The following TFEC variants were observed in gnomAD, a reference collection of about 807,000 sequenced individuals.
TFEC encodes the protein transcription factor EC, also known as class E basic helix-loop-helix protein 34.
In TFEC, 31 loss-of-function variants were observed where a neutral mutation model predicts 41.6. The observed-to-expected ratio is 0.74, with a 90% CI of 0.56 to 1.01. The LOEUF (loss-of-function observed/expected upper bound fraction) is 1.01. Among genes scored for constraint, TFEC ranks in the 50% least tolerant of loss-of-function variants. TFEC has a pLI of 0.00. For missense variants in TFEC, 402 were observed against 404.1 expected, an observed-to-expected ratio of 0.99 and a Z score of 0.04; for synonymous variants, 143 against 140.6, an observed-to-expected ratio of 1.02 and a Z score of -0.12.
At chr7:116,036,761 A>C (rs528142865) in intron 3 of TFEC, among the ~76,000 whole-genome samples, 4 of 152,210 alleles carry the variant, frequency 2.6e-5, no homozygotes, top group African/African-American at 9.6e-5. Context: ...CCATAATAAA[A>C]AAAGTAATTT....
intron 1 of TFEC, chr7:116,157,378 A>T (rs925085201): frequency 6.7e-6 from 1 of 149,536 alleles, no homozygotes; most frequent in African/African-American, 2.5e-5. Context: ...TTCCAAAAAA[A>T]ATAAATAAGT....
At position 115,948,473 on chromosome 7, in the gene TFEC, A is replaced by C. The variant is rs564850791; in HGVS notation, c.515+2401T>G. ...AATAAAATACTGGCAAACTGAATCC[A>C]GCAGCACATCAAAAAGCGTATCCAC... On this transcript the variant is annotated intron_variant, in intron 6 of 7. Transcript: ENST00000265440. Among the ~76,000 whole-genome samples, 209 of 152,324 alleles carry C rather than the reference A, an allele frequency of 1.4e-3. 1 individual carries two copies. The highest frequency in any genetic ancestry group is 4.8e-3 in the African/African-American group (200 of 41,576).
At chr7:115,952,300 G>C (rs1791989149) in intron 5 of TFEC, among the ~76,000 whole-genome samples, 1 of 151,640 alleles carries the variant, frequency 6.6e-6, no homozygotes, top group South Asian at 2.1e-4. Flanking sequence ...AAAAAACACT[G>C]ACTAGAAAAT....
At chr7:116,119,527 T>C (rs1326070335) in intron 1 of TFEC, among the ~76,000 whole-genome samples, 3 of 151,832 alleles carry the variant, frequency 2.0e-5, no homozygotes, top group Non-Finnish European at 4.4e-5. Context: ...ATTTTGAATA[T>C]ATGTTAAAAA....
At chr7:116,147,010 G>T (rs1264981386) in intron 1 of TFEC, among the ~76,000 whole-genome samples, 1 of 152,110 alleles carries the variant, frequency 6.6e-6, no homozygotes, top group Non-Finnish European at 1.5e-5. Flanking sequence ...CAAAGATGAA[G>T]ACAAATTTGT....
intron 1 of TFEC, among the ~76,000 whole-genome samples, chr7:116,146,488 C>T (rs146222597): frequency 3.3e-5 from 5 of 152,292 alleles, no homozygotes; most frequent in Admixed American, 6.5e-5. Flanking sequence ...TTCCTAATCA[C>T]AAGCCTCCAT....
At chr7:116,119,381 T>C in intron 1 of TFEC, among the ~76,000 whole-genome samples, 1 of 152,008 alleles carries the variant, frequency 6.6e-6, no homozygotes. Context: ...GAATTAAAAT[T>C]AATTTTAAAA....
chr7:115,994,392 T>C (rs1046601276), intron 1 of TFEC, among the ~76,000 whole-genome samples: 1 of 152,036 alleles, frequency 6.6e-6, no homozygotes, highest in Non-Finnish European at 1.5e-5. Context: ...CGCACAGCAA[T>C]GGAAACTACC....
chr7:116,128,849 T>C (rs1248489640), intron 1 of TFEC, among the ~76,000 whole-genome samples: 2 of 151,926 alleles, frequency 1.3e-5, no homozygotes, highest in East Asian at 1.9e-4. Flanking sequence ...AAGAAAAAAA[T>C]AGAACAAATA....
In TFEC at chr7:115,942,776, G is replaced by A. The variant is rs73458756; in HGVS notation, c.516-736C>T. 1.5e-3 allele frequency among the ~76,000 whole-genome samples: 232 copies of A among 152,038 alleles called. 1 individual carries two copies. The highest frequency in any genetic ancestry group is 5.5e-3 in the African/African-American group (227 of 41,502). Reference sequence around the variant, plus strand: ...ATTAAAACTTACTTTTAAGACAGGAGAAATTAAAGATATGAAATTGTGGAA... The same window carrying A: ...ATTAAAACTTACTTTTAAGACAGGAAAAATTAAAGATATGAAATTGTGGAA... On this transcript the variant is annotated intron_variant, in intron 6 of 7. Transcript: ENST00000265440.
Position 115,984,314 on chromosome 7 carries a change from G to T in TFEC, c.128C>A (p.Pro43Gln), listed in dbSNP as rs770525266. ...LDSDAGLTEN[P>Q]LTKLLAIGKE... is the part of the protein sequence containing the mutation. ...CCCAATAGCTAGTAACTTGGTGAGT[G>T]GGTTTTCTGTGAGGCCAGCATCACT... Residue 43 changes from proline (P) to glutamine (Q), a missense_variant, in exon 2 of 8, where the codon CCA becomes CAA. By Grantham distance (76) the Pro-to-Gln change is moderately conservative. Transcript: ENST00000265440. 6.2e-7 allele frequency: 1 copy of T among 1,614,104 alleles called. No homozygotes were observed.
chr7:116,094,066 T>C (rs1189063043), intron 3 of TFEC, among the ~76,000 whole-genome samples: 2 of 152,166 alleles, frequency 1.3e-5, no homozygotes, highest in Admixed American at 6.5e-5. Flanking sequence ...AGGACAAGTA[T>C]AGAAACCACT....
intron 3 of TFEC, among the ~76,000 whole-genome samples, chr7:116,043,390 T>A (rs1796086863): frequency 6.6e-6 from 1 of 152,028 alleles, no homozygotes; most frequent in Non-Finnish European, 1.5e-5. Flanking sequence ...TAAACCTATA[T>A]GAACTACAAG....
At chr7:115,998,468 C>A (rs1422441819) in intron 1 of TFEC, among the ~76,000 whole-genome samples, 3 of 151,692 alleles carry the variant, frequency 2.0e-5, no homozygotes, top group African/African-American at 7.3e-5. Flanking sequence ...AGAGTACTTT[C>A]TTCCTTATTA....
chr7:116,078,182 G>C (rs1320055008), intron 3 of TFEC, among the ~76,000 whole-genome samples: 1 of 151,578 alleles, frequency 6.6e-6, no homozygotes, highest in Non-Finnish European at 1.5e-5. Flanking sequence ...ATGATCATTG[G>C]GTCAACAATG....
intron 2 of TFEC, among the ~76,000 whole-genome samples, chr7:115,975,859 T>C (rs1276820291): frequency 6.6e-6 from 1 of 152,150 alleles, no homozygotes; most frequent in Non-Finnish European, 1.5e-5. Flanking sequence ...TGAGAAAGAA[T>C]GAGCACTAAT....
chr7:116,086,262 C>T (rs145299068), intron 3 of TFEC, among the ~76,000 whole-genome samples: 23 of 151,912 alleles, frequency 1.5e-4, no homozygotes, highest in African/African-American at 5.5e-4. Flanking sequence ...CTTCCTCTTC[C>T]CACACCCAGT....
chr7:116,045,937 A>C (rs1489199363), intron 3 of TFEC, among the ~76,000 whole-genome samples: 2 of 152,128 alleles, frequency 1.3e-5, no homozygotes, highest in African/African-American at 2.4e-5. Flanking sequence ...GGAACTTTTT[A>C]ATTTGACTGC....
At chr7:116,037,956 G>A (rs889062124) in intron 3 of TFEC, among the ~76,000 whole-genome samples, 1 of 151,916 alleles carries the variant, frequency 6.6e-6, no homozygotes, top group Non-Finnish European at 1.5e-5. Flanking sequence ...CTGCTAAAAC[G>A]CATTTCATCT....
Sources: allele counts gnomAD v4.1 joint callset (sites outside exome capture counted in the v4.1 genomes callset), GRCh38; gene constraint gnomAD v4.1.1; transcripts MANE v1.5; gene names NCBI Gene and HGNC (gene_info 2026-07-23, HGNC 2026-07-21).